GTF2F2: variants seen among roughly 807,000 people sequenced by gnomAD.
GTF2F2 encodes the protein ATP-dependent helicase GTF2F2.
Under a neutral mutation model 42.2 loss-of-function variants are expected in GTF2F2, and 23 were observed. The observed-to-expected ratio is 0.55, with a 90% CI of 0.39 to 0.77. The LOEUF is 0.77. Among genes scored for constraint, GTF2F2 ranks in the 30% least tolerant of loss-of-function variants. The pLI, the probability that GTF2F2 is intolerant of heterozygous loss-of-function variation, is 0.00. For missense variants in GTF2F2, 261 were observed against 287.2 expected (o/e 0.91, Z 0.66); for synonymous variants, 105 against 100.8 (o/e 1.04, Z -0.25).
At chr13:45,125,295 G>A (rs971373128) in intron 1 of GTF2F2, among the ~76,000 whole-genome samples, 6 of 151,704 alleles carry the variant, frequency 4.0e-5, no homozygotes, top group Non-Finnish European at 5.9e-5. Context: ...TCCCCTTTGC[G>A]TCTCTCTGTT....
At chr13:45,195,381 C>G (rs1418251998) in intron 4 of GTF2F2, among the ~76,000 whole-genome samples, 1 of 151,920 alleles carries the variant, frequency 6.6e-6, no homozygotes, top group Admixed American at 6.6e-5. Flanking sequence ...TCACTCGGAG[C>G]CTGCTTCTGT....
At chr13:45,250,514 C>A (rs1875834628) in intron 5 of GTF2F2, among the ~76,000 whole-genome samples, 1 of 152,168 alleles carries the variant, frequency 6.6e-6, no homozygotes, top group African/African-American at 2.4e-5. Flanking sequence ...AAATGCTTGT[C>A]TTCCACTAGA....
chr13:45,276,422 T>C (rs1324472454), intron 7 of GTF2F2, among the ~76,000 whole-genome samples: 4 of 150,220 alleles, frequency 2.7e-5, no homozygotes, highest in Non-Finnish European at 5.9e-5. Context: ...TGTTTAGCCT[T>C]CTGAGGAACT....
intron 5 of GTF2F2, among the ~76,000 whole-genome samples, chr13:45,250,063 T>C (rs1050650524): frequency 2.0e-5 from 3 of 146,556 alleles, no homozygotes; most frequent in Admixed American, 6.8e-5. Flanking sequence ...TTTTTTTTTT[T>C]TTTTTTTTTT....
chr13:45,262,892 G>A (rs972563435), intron 6 of GTF2F2, among the ~76,000 whole-genome samples: 18 of 151,752 alleles, frequency 1.2e-4, no homozygotes, highest in Middle Eastern at 3.4e-3. Context: ...CTACAGGCTC[G>A]TTCATGGCTA....
chr13:45,262,450 C>T (rs1018891788), intron 6 of GTF2F2, among the ~76,000 whole-genome samples: 6 of 152,278 alleles, frequency 3.9e-5, no homozygotes, highest in African/African-American at 1.2e-4. Flanking sequence ...ATTTTTGAGA[C>T]GGTGTCTCAC....
rs145117805 is a variant in GTF2F2 at position 45,168,906 on chromosome 13, T to TCCCTCCTTCCTTCCCTC, written c.304+17077_304+17078insCTCCTTCCTTCCCTCCC. On this transcript the variant is annotated intron_variant, in intron 4 of 7. Coordinates refer to ENST00000340473, the MANE Select transcript of GTF2F2 (RefSeq NM_004128.3). ...TTCCCTCCCTCCCTCCCTCCCTCCC[T>TCCCTCCTTCCTTCCCTC]CCTCCTTCCTTCCCTCCCTCCCTCC... 3.3e-4 allele frequency among the ~76,000 whole-genome samples: 29 copies of TCCCTCCTTCCTTCCCTC among 87,338 alleles called. 1 individual carries two copies. The highest frequency in any genetic ancestry group is 1.5e-3 in the African/African-American group (29 of 19,730). 57.3% of individuals were successfully genotyped at this position (87,338 alleles called of 152,430 possible). A position where few individuals can be genotyped will look rare whatever the true frequency, so the allele number is the denominator to read the frequency against.
intron 4 of GTF2F2, among the ~76,000 whole-genome samples, chr13:45,191,975 C>A (rs1872677802): frequency 6.6e-6 from 1 of 152,002 alleles, no homozygotes; most frequent in African/African-American, 2.4e-5. Flanking sequence ...TTTTTATTAT[C>A]CGTAATGAAA....
rs542051097 is a variant in GTF2F2, at chr13:45,270,586, C to A, written c.630+3210C>A. Among the ~76,000 whole-genome samples, 106 of 152,250 alleles carry A rather than the reference C, an allele frequency of 7.0e-4. 1 individual carries two copies. The highest frequency in any genetic ancestry group is 1.3e-3 in the Non-Finnish European group (88 of 68,016). On this transcript the variant is annotated intron_variant, in intron 7 of 7. Coordinates refer to ENST00000340473, the MANE Select transcript of GTF2F2 (RefSeq NM_004128.3). ...GGGCAGAACCCCCATGACCTAGTCACCTCTCAAAGGCCCAATTCTTACTAC... is the reference window on the plus strand; with the variant it reads ...GGGCAGAACCCCCATGACCTAGTCAACTCTCAAAGGCCCAATTCTTACTAC...
At chr13:45,181,603 A>G (rs1489603941) in intron 4 of GTF2F2, among the ~76,000 whole-genome samples, 2 of 152,176 alleles carry the variant, frequency 1.3e-5, no homozygotes, top group Non-Finnish European at 1.5e-5. Context: ...TTAGAAGTAA[A>G]TATAAAATAA....
rs770682484 is a variant in GTF2F2, at chr13:45,151,803, A to T, written c.276A>T (p.Thr92=). ...PFVLQSVGGQ[T]LTVFTESSSD... ...TCTTGCAAAGTGTTGGAGGACAGAC[A>T]TTAACAGTATTTACTGAGAGCTCAT... is the stretch of plus-strand genomic sequence containing the variant. The change falls in exon 4 of 8, where the codon ACA becomes ACT. Residue 92 remains threonine (T), a synonymous_variant. Transcript: ENST00000340473. 3.2e-6 allele frequency: 5 copies of T among 1,562,242 alleles called. No homozygotes were observed. In the South Asian group the frequency reaches 5.8e-5, roughly 18 times the overall value.
At position 45,216,223 on chromosome 13, in the gene GTF2F2, G is replaced by T. The variant is rs540072534; in HGVS notation, c.386+8718G>T. Among the ~76,000 whole-genome samples, 9 of 151,408 alleles carry T rather than the reference G, an allele frequency of 5.9e-5. No homozygotes were observed. The South Asian group carries it at 1.9e-3, about 32-fold the overall frequency. ...ACAGAGCGAGACCCTGTCTCAAGAG[G>T]AAAAAAAAGAAGGCACTGGAATAAT... On this transcript the variant is annotated intron_variant, in intron 5 of 7. Coordinates refer to ENST00000340473, the MANE Select transcript of GTF2F2 (RefSeq NM_004128.3).
intron 5 of GTF2F2, among the ~76,000 whole-genome samples, chr13:45,226,520 A>G (rs2138211388): frequency 6.6e-6 from 1 of 152,198 alleles, no homozygotes; most frequent in Middle Eastern, 3.4e-3. Context: ...TACTATTTTG[A>G]TTATTGTAGC....
intron 4 of GTF2F2, among the ~76,000 whole-genome samples, chr13:45,168,051 T>C (rs1030320772): frequency 3.3e-5 from 5 of 152,276 alleles, no homozygotes; most frequent in East Asian, 1.9e-4. Context: ...TAATGTGTTA[T>C]GTGTCAGACT....
intron 5 of GTF2F2, among the ~76,000 whole-genome samples, chr13:45,212,240 T>G (rs1873680806): frequency 6.6e-6 from 1 of 152,186 alleles, no homozygotes; most frequent in African/African-American, 2.4e-5. Context: ...CTGCATAGTT[T>G]TTAGTCATAT....
chr13:45,242,342 C>T (rs1014994754), intron 5 of GTF2F2, among the ~76,000 whole-genome samples: 1 of 149,524 alleles, frequency 6.7e-6, no homozygotes, highest in Non-Finnish European at 1.5e-5. Flanking sequence ...AACTCTACTG[C>T]TCTTCCTGCT....
chr13:45,239,539 A>G (rs1324648432), intron 5 of GTF2F2, among the ~76,000 whole-genome samples: 1 of 152,212 alleles, frequency 6.6e-6, no homozygotes, highest in Non-Finnish European at 1.5e-5. Flanking sequence ...TCTGTCATCT[A>G]TTTGACCTTA....
chr13:45,191,430 GA>G (rs1249479560), intron 4 of GTF2F2, among the ~76,000 whole-genome samples: 3 of 150,986 alleles, frequency 2.0e-5, no homozygotes, highest in Admixed American at 6.6e-5. Context: ...TTACTTATGA[GA>G]AAAAATTTGA....
chr13:45,151,089 G>C (rs758658717), intron 3 of GTF2F2, among the ~76,000 whole-genome samples: 14 of 152,046 alleles, frequency 9.2e-5, no homozygotes, highest in Non-Finnish European at 1.9e-4. Flanking sequence ...TAGTGAACAT[G>C]GTAACCAATA....
Sources: allele counts gnomAD v4.1 joint callset (sites outside exome capture counted in the v4.1 genomes callset), GRCh38; gene constraint gnomAD v4.1.1; transcripts MANE v1.5; gene names NCBI Gene and HGNC (gene_info 2026-07-23, HGNC 2026-07-21).